MYT1L: variants seen among roughly 807,000 people sequenced by gnomAD.
MYT1L encodes myelin transcription factor 1-like protein.
Under a neutral mutation model 126.7 loss-of-function variants are expected in MYT1L, and 12 were observed. The observed-to-expected ratio is 0.09, with a 90% CI of 0.06 to 0.15. The LOEUF is 0.15. Among genes scored for constraint, MYT1L ranks in the 10% least tolerant of loss-of-function variants. MYT1L has a pLI of 1.00. For synonymous variants in MYT1L, 541 were observed against 604.2 expected, an observed-to-expected ratio of 0.90 and a Z score of 1.53; for missense variants, 979 against 1,585.2, an observed-to-expected ratio of 0.62 and a Z score of 6.49.
At chr2:1,905,092 T>G (rs2148975772) in intron 13 of MYT1L, among the ~76,000 whole-genome samples, 1 of 152,324 alleles carries the variant, frequency 6.6e-6, no homozygotes, top group South Asian at 2.1e-4. Flanking sequence ...TTTTGCCAAG[T>G]TGGCCAGGCT....
At chr2:2,259,257 G>A (rs1442841591) in intron 2 of MYT1L, among the ~76,000 whole-genome samples, 1 of 107,662 alleles carries the variant, frequency 9.3e-6, no homozygotes, top group Non-Finnish European at 1.8e-5. Flanking sequence ...GGTCGGGGGA[G>A]GGGGGAGGGA....
intron 9 of MYT1L, among the ~76,000 whole-genome samples, chr2:1,939,890 T>A (rs1177504416): frequency 6.6e-6 from 1 of 152,226 alleles, no homozygotes; most frequent in Non-Finnish European, 1.5e-5. Flanking sequence ...GAGAAAGCCT[T>A]CGTGAGCGTG....
chr2:1,801,483 G>A lies in MYT1L; in HGVS notation c.3276+213C>T. 2.0e-6 allele frequency: 1 copy of A among 489,636 alleles called. No homozygotes were observed. The highest frequency in any genetic ancestry group is 3.6e-6 in the Non-Finnish European group (1 of 279,194). The allele number at this position is 489,636 out of a possible 1,614,324, so 30.3% of individuals were successfully genotyped here. ...ATTAAAAAACACAAACACACATGCA[G>A]ACTGAAAACGAGAGAACCACGGCCC... is the stretch of plus-strand genomic sequence containing the variant. On this transcript the variant is annotated intron_variant, in intron 23 of 24. Coordinates refer to ENST00000647738, the MANE Select transcript of MYT1L (RefSeq NM_001303052.2). The surrounding 1 kb of genome is among the most constrained non-coding windows in gnomAD (Gnocchi z 4.2).
At chr2:1,992,540 A>T in intron 5 of MYT1L, among the ~76,000 whole-genome samples, 1 of 152,094 alleles carries the variant, frequency 6.6e-6, no homozygotes. Context: ...TTCTCTGCTG[A>T]TTACCCCAAG....
chr2:1,956,075 T>C (rs1440913778), intron 8 of MYT1L, among the ~76,000 whole-genome samples: 1 of 152,150 alleles, frequency 6.6e-6, no homozygotes, highest in African/African-American at 2.4e-5. Context: ...CTACCTATCA[T>C]CTATCTATCC....
At chr2:1,804,240 C>T (rs1373493759) in intron 22 of MYT1L, among the ~76,000 whole-genome samples, 1 of 152,198 alleles carries the variant, frequency 6.6e-6, no homozygotes, top group Admixed American at 6.5e-5. Context: ...CCTGTCTCAG[C>T]CTCCTGAGTA....
chr2:2,247,848 GA>G (rs1178625421), intron 2 of MYT1L, among the ~76,000 whole-genome samples: 1 of 151,980 alleles, frequency 6.6e-6, no homozygotes, highest in Non-Finnish European at 1.5e-5. Flanking sequence ...AATGATAATG[GA>G]AACACAACAT....
At chr2:2,119,240 A>G (rs761971600) in intron 3 of MYT1L, among the ~76,000 whole-genome samples, 8 of 152,262 alleles carry the variant, frequency 5.3e-5, no homozygotes, top group Non-Finnish European at 1.0e-4. Context: ...ATTTGCTAGG[A>G]ATAAATAACA....
At chr2:2,201,612 C>G (rs1472873867) in intron 2 of MYT1L, among the ~76,000 whole-genome samples, 1 of 151,694 alleles carries the variant, frequency 6.6e-6, no homozygotes, top group Non-Finnish European at 1.5e-5. Flanking sequence ...GCAGGAGAAT[C>G]ACTTGAACCC....
At chr2:2,128,168 C>T (rs1365727522) in intron 3 of MYT1L, among the ~76,000 whole-genome samples, 1 of 152,048 alleles carries the variant, frequency 6.6e-6, no homozygotes, top group African/African-American at 2.4e-5. Flanking sequence ...TTTTTTTGGG[C>T]ATCAGAGTCT....
chr2:1,911,929 C>T lies in MYT1L; in HGVS notation c.1709+91G>A, dbSNP rs897017276. On this transcript the variant is annotated intron_variant, in intron 12 of 24. Coordinates refer to ENST00000647738, the MANE Select transcript of MYT1L (RefSeq NM_001303052.2). ...CACTTGGGGAGCACGGTGGGGAGCA[C>T]CATATGGAGCGTGGTAGGCCCCCCA... 59 of 999,372 alleles carry T rather than the reference C, an allele frequency of 5.9e-5. No individual in the cohort carries two copies. The Middle Eastern group carries it at 9.0e-4, about 15-fold the overall frequency. 61.9% of individuals were successfully genotyped at this position (999,372 alleles called of 1,614,324 possible). A position where few individuals can be genotyped will look rare whatever the true frequency, so the allele number is the denominator to read the frequency against.
intron 4 of MYT1L, among the ~76,000 whole-genome samples, chr2:2,039,081 T>C (rs1198582789): frequency 6.6e-6 from 1 of 152,174 alleles, no homozygotes; most frequent in East Asian, 1.9e-4. Flanking sequence ...CACTGGCACA[T>C]GGAAGGCAGT....
intron 1 of MYT1L, among the ~76,000 whole-genome samples, chr2:2,304,446 C>T (rs2095831315): frequency 6.6e-6 from 1 of 152,130 alleles, no homozygotes. Flanking sequence ...TGACTTAAAC[C>T]TCTCTCTATA....
chr2:1,881,170 C>T (rs1352386565), intron 18 of MYT1L, among the ~76,000 whole-genome samples: 3 of 152,140 alleles, frequency 2.0e-5, no homozygotes, highest in African/African-American at 7.2e-5. Flanking sequence ...AAGAAAGATT[C>T]GCAGCAGGGA....
chr2:2,040,660 A>C (rs1034683664), intron 4 of MYT1L, among the ~76,000 whole-genome samples: 1 of 152,242 alleles, frequency 6.6e-6, no homozygotes, highest in Non-Finnish European at 1.5e-5. Context: ...TTCAGGGAAA[A>C]TTACGAACAT....
chr2:1,954,474 A>G (rs1379934356), intron 8 of MYT1L, among the ~76,000 whole-genome samples: 1 of 152,196 alleles, frequency 6.6e-6, no homozygotes, highest in African/African-American at 2.4e-5. Context: ...AGTGCTCTAC[A>G]TCAGGAAGGT....
At chr2:2,301,843 AAAG>A (rs1163399608) in intron 1 of MYT1L, among the ~76,000 whole-genome samples, 1 of 151,878 alleles carries the variant, frequency 6.6e-6, no homozygotes, top group Non-Finnish European at 1.5e-5. Flanking sequence ...AAAAAAAAAA[AAAG>A]AAGAAAATTT....
chr2:2,062,422 C>T (rs116191752), intron 3 of MYT1L, among the ~76,000 whole-genome samples: 2 of 152,192 alleles, frequency 1.3e-5, no homozygotes, highest in Non-Finnish European at 2.9e-5. Flanking sequence ...CATCTGGCCT[C>T]GTCCACACTG....
chr2:1,916,719 A>C (rs955943046), intron 11 of MYT1L, among the ~76,000 whole-genome samples: 3 of 152,208 alleles, frequency 2.0e-5, no homozygotes, highest in Non-Finnish European at 4.4e-5. Flanking sequence ...CATGAGACAG[A>C]CTTTACAGGT....
Sources: gnomAD v4.1 joint callset for allele counts (sites outside exome capture counted in the v4.1 genomes callset) on GRCh38, gnomAD v4.1.1 for gene constraint, Gnocchi (gnomAD v3.1) non-coding constraint, MANE v1.5 for transcripts, NCBI Gene and HGNC (gene_info 2026-07-23, HGNC 2026-07-21) for gene names.